Variants in GPR137 observed in about 807,000 individuals in gnomAD.
GPR137 encodes integral membrane protein GPR137.
Under a neutral mutation model 38.9 loss-of-function variants are expected in GPR137, and 20 were observed. The observed-to-expected ratio is 0.51, with a 90% CI of 0.36 to 0.75. The LOEUF is 0.75. Among genes scored for constraint, GPR137 ranks in the 30% least tolerant of loss-of-function variants. The pLI, the probability that GPR137 is intolerant of heterozygous loss-of-function variation, is 0.00. For synonymous variants in GPR137, 226 were observed against 235.8 expected (o/e 0.96, Z 0.38); for missense variants, 456 against 526.4 (o/e 0.87, Z 1.31).
At chr11:64,284,047 G>A (rs892372911), upstream of GPR137, 15 of 1,098,608 alleles carry the variant, frequency 1.4e-5, no homozygotes, top group African/African-American at 4.7e-5. Context: ...GCTGTTTTAC[G>A]AAAGAGGAAA....
At chr11:64,277,020 A>T (rs2033119140) in intron 2 of GPR137, 1 of 717,280 alleles carries the variant, frequency 1.4e-6, no homozygotes, top group Non-Finnish European at 2.6e-6. Flanking sequence ...TCAGATTCCC[A>T]AGAAGGAGAA....
exon 1 of GPR137, chr11:64,270,551 C>G (rs2032429650): frequency 1.2e-5 from 9 of 736,538 alleles, no homozygotes; most frequent in Admixed American, 2.1e-5. Flanking sequence ...AACTCCGTGC[C>G]GGAGACGGGA....
At chr11:64,271,983 C>T, upstream of GPR137, 1 of 435,456 alleles carries the variant, frequency 2.3e-6, no homozygotes. Flanking sequence ...GCTCAGGGGC[C>T]TTTGGTGAAG....
chr11:64,288,035 C>G lies in GPR137; in HGVS notation c.634-30C>G, dbSNP rs750639910. ...AGAGGAAGCTGGGAGCCTTCTCTCC[C>G]TGAGGGTCCTCTGTTGTTACCTGTG... On this transcript the variant is annotated intron_variant, in intron 3 of 6. Coordinates refer to ENST00000438980, the MANE Select transcript of GPR137 (RefSeq NM_001170880.2). The surrounding 1 kb of genome is among the most constrained non-coding windows in gnomAD (Gnocchi z 5.5). 6.2e-7 allele frequency: 1 copy of G among 1,606,858 alleles called. No homozygotes were observed. The highest frequency in any genetic ancestry group is 8.5e-7 in the Non-Finnish European group (1 of 1,179,948).
Position 64,288,378 on chromosome 11 carries a change from G to A in GPR137, c.822G>A (p.Leu274=), listed in dbSNP as rs775803517. The A allele has an allele frequency of 4.3e-6, 7 of 1,613,902 alleles. No homozygotes were observed. The highest frequency in any genetic ancestry group is 4.2e-6 in the Non-Finnish European group (5 of 1,179,986). The part of the protein sequence containing the change: ...LVNDLGNKGY[L]VFGLILFVWE... ...ATGACCTGGGGAACAAAGGCTACCT[G>A]GTATTTGGCCTCATCCTCTTCGTGT... Residue 274 remains leucine, a synonymous_variant, in exon 5 of 7, where the codon CTG becomes CTA. Coordinates refer to ENST00000438980, the MANE Select transcript of GPR137 (RefSeq NM_001170880.2). This position sits in a 1 kb window ranked among gnomAD's most constrained non-coding sequence, Gnocchi z 5.5.
Position 64,288,752 on chromosome 11 carries a change from TGCCCTACCC to T in GPR137, c.1031+36_1031+44del. On this transcript the variant is annotated intron_variant, in intron 6 of 6. Coordinates refer to ENST00000438980, the MANE Select transcript of GPR137 (RefSeq NM_001170880.2). The surrounding 1 kb of genome is among the most constrained non-coding windows in gnomAD (Gnocchi z 5.5). ...AGCCGTGGCACTGCCTCAGTACCCC[TGCCCTACCC>T]GCCCACCCCGCTGGCTCCATCAAGC... 6.8e-7 allele frequency: 1 copy of T among 1,475,648 alleles called. No individual in the cohort carries two copies. Among genetic ancestry groups the T allele is most frequent in the Non-Finnish European group, 9.1e-7 (1 of 1,100,438 alleles). The allele number at this position is 1,475,648 out of a possible 1,614,324, so 91.4% of individuals were successfully genotyped here.
In GPR137 at chr11:64,288,735, C is replaced by T; in HGVS notation, c.1031+14C>T. 1.3e-6 allele frequency: 2 copies of T among 1,533,334 alleles called. No individual in the cohort carries two copies. The highest frequency in any genetic ancestry group is 1.7e-4 in the Middle Eastern group (1 of 5,866). 95.0% of individuals were successfully genotyped at this position (1,533,334 alleles called of 1,614,324 possible). A position where few individuals can be genotyped will look rare whatever the true frequency, so the allele number is the denominator to read the frequency against. Reference sequence around the variant, plus strand: ...TGAGAGCACCAGGTAGGAGCCGTGGCACTGCCTCAGTACCCCTGCCCTACC... The same window carrying T: ...TGAGAGCACCAGGTAGGAGCCGTGGTACTGCCTCAGTACCCCTGCCCTACC... On this transcript the variant is annotated intron_variant, in intron 6 of 6. Coordinates refer to ENST00000438980, the MANE Select transcript of GPR137 (RefSeq NM_001170880.2). The surrounding 1 kb of genome is among the most constrained non-coding windows in gnomAD (Gnocchi z 5.5).
chr11:64,282,881 G>GAAAAA (rs541902877), upstream of GPR137, among the ~76,000 whole-genome samples: 3 of 88,060 alleles, frequency 3.4e-5, no homozygotes, highest in East Asian at 3.4e-4. Context: ...TCCGTCTCAG[G>GAAAAA]AAAAAAAAAA....
upstream of GPR137, chr11:64,284,471 G>T (rs1159789059): frequency 1.3e-6 from 2 of 1,594,806 alleles, no homozygotes; most frequent in South Asian, 2.2e-5. Flanking sequence ...CTCTCCCACC[G>T]TAGCGCCCCC....
chr11:64,284,487 C>T (rs751467516), upstream of GPR137: 5 of 1,585,612 alleles, frequency 3.2e-6, no homozygotes, highest in East Asian at 4.5e-5. Flanking sequence ...CCCCCAGGCC[C>T]GCCAGGCCTC....
Position 64,289,347 on chromosome 11 carries a change from G to C in GPR137, c.*151G>C. The C allele has an allele frequency of 6.3e-7, 1 of 1,596,592 alleles. No homozygotes were observed. Among genetic ancestry groups the C allele is most frequent in the Non-Finnish European group, 8.5e-7 (1 of 1,170,680 alleles). On this transcript the variant is annotated 3_prime_UTR_variant, in exon 7 of 7. Transcript: ENST00000438980. ...CTCCTTGCTGCTCCTGTCATAGTGAGCTTGTGCCGTCCCCCTAGGATGGGG... is the reference window on the plus strand; with the variant it reads ...CTCCTTGCTGCTCCTGTCATAGTGACCTTGTGCCGTCCCCCTAGGATGGGG...
chr11:64,271,761 G>C (rs2032636892), upstream of GPR137: 5 of 1,415,538 alleles, frequency 3.5e-6, no homozygotes, highest in East Asian at 8.3e-5. Flanking sequence ...CGTCCCCGCG[G>C]GGTAGGAGCT....
At position 64,286,536 on chromosome 11, in the gene GPR137, C is replaced by T; in HGVS notation, c.12C>T (p.Asn4=). 1 of 1,611,318 alleles carries T rather than the reference C, an allele frequency of 6.2e-7. No individual in the cohort carries two copies. Among genetic ancestry groups the T allele is most frequent in the Non-Finnish European group, 8.5e-7 (1 of 1,178,616 alleles). ...CCTCCCTCCCTGACATGGAGAGTAACCTGTCTGGCCTGGTGCCTGCTGCCG... is the reference window on the plus strand; with the variant it reads ...CCTCCCTCCCTGACATGGAGAGTAATCTGTCTGGCCTGGTGCCTGCTGCCG... The part of the protein sequence containing the change: MES[N]LSGLVPAAGL... The change falls in exon 1 of 7, where the codon AAC becomes AAT. Residue 4 remains asparagine (N), a synonymous_variant. Coordinates refer to ENST00000438980, the MANE Select transcript of GPR137 (RefSeq NM_001170880.2).
In GPR137 at chr11:64,286,360, T is replaced by G; in HGVS notation, c.-165T>G. ...TGCCTGTGTTCCCCAAGGGCAAGGG[T>G]CTCTCTGTTGAGGAGGAGGGGCCTG... On this transcript the variant is annotated 5_prime_UTR_variant, in exon 1 of 7. Transcript: ENST00000438980. 7.1e-7 allele frequency: 1 copy of G among 1,403,088 alleles called. No homozygotes were observed. Among genetic ancestry groups the G allele is most frequent in the Non-Finnish European group, 9.2e-7 (1 of 1,084,528 alleles). 86.9% of individuals were successfully genotyped at this position (1,403,088 alleles called of 1,614,324 possible).
chr11:64,271,711 G>T, upstream of GPR137: 1 of 1,472,424 alleles, frequency 6.8e-7, no homozygotes, highest in Non-Finnish European at 9.0e-7. Flanking sequence ...GAGCGGCCCC[G>T]AAAGGGGCTG....
At chr11:64,283,184 T>C (rs1161171181), upstream of GPR137, among the ~76,000 whole-genome samples, 5 of 151,998 alleles carry the variant, frequency 3.3e-5, no homozygotes, top group Middle Eastern at 0.01. Context: ...ATCCTGAAAA[T>C]GGGGAGGAGG....
At chr11:64,284,141 G>C, upstream of GPR137, 2 of 1,531,284 alleles carry the variant, frequency 1.3e-6, no homozygotes, top group Non-Finnish European at 1.8e-6. Flanking sequence ...AGTGGGCTGG[G>C]GGTGAGGTGT....
intron 3 of GPR137, 50 bp downstream of exon 3, chr11:64,287,996 G>A (rs759150214): frequency 4.4e-6 from 7 of 1,602,128 alleles, no homozygotes; most frequent in African/African-American, 2.7e-5. Flanking sequence ...TCTCGGCAGC[G>A]GTTCTCAGGG....
chr11:64,284,933 T>G, upstream of GPR137: 1 of 1,405,912 alleles, frequency 7.1e-7, no homozygotes, highest in Non-Finnish European at 9.2e-7. Flanking sequence ...GGGTCCCCAT[T>G]TGGAACCTGG....
Sources: allele counts gnomAD v4.1 joint callset (sites outside exome capture counted in the v4.1 genomes callset), GRCh38; gene constraint gnomAD v4.1.1; non-coding constraint Gnocchi (gnomAD v3.1); transcripts MANE v1.5; gene names NCBI Gene and HGNC (gene_info 2026-07-23, HGNC 2026-07-21).